The following MAPK9 variants were observed in gnomAD, a reference collection of about 807,000 sequenced individuals.
MAPK9 encodes the protein Jun kinase.
Under a neutral mutation model 57.1 loss-of-function variants are expected in MAPK9, and 30 were observed. The observed-to-expected ratio is 0.53, with a 90% CI of 0.39 to 0.71. MAPK9 has a LOEUF of 0.71. Among genes scored for constraint, MAPK9 ranks in the 30% least tolerant of loss-of-function variants. MAPK9 has a pLI of 0.00. For synonymous variants in MAPK9, 155 were observed against 177.0 expected (o/e 0.88, Z 0.99); for missense variants, 362 against 521.0 (o/e 0.69, Z 2.97).
rs191575213 is a variant in MAPK9 at position 180,236,565 on chromosome 5, C to G, written c.1133-39G>C. On this transcript the variant is annotated intron_variant, in intron 11 of 11. Coordinates refer to ENST00000452135, the MANE Select transcript of MAPK9 (RefSeq NM_002752.5). ...ACCAAATATAATAAAATCTGAGGCA[C>G]GACATTGCTGCAAATCCAGGCAGCG... is the stretch of plus-strand genomic sequence containing the variant. 15 of 1,596,110 alleles carry G rather than the reference C, an allele frequency of 9.4e-6. No individual in the cohort carries two copies. In the African/African-American group the frequency reaches 1.7e-4, roughly 19 times the overall value.
chr5:180,275,794 C>A (rs2127615427), intron 2 of MAPK9, among the ~76,000 whole-genome samples: 1 of 152,334 alleles, frequency 6.6e-6, no homozygotes, highest in East Asian at 1.9e-4. Flanking sequence ...TGCCCACAGC[C>A]TCTGTAGTTT....
intron 5 of MAPK9, among the ~76,000 whole-genome samples, chr5:180,260,941 G>A (rs1436413087): frequency 8.2e-6 from 1 of 121,758 alleles, no homozygotes; most frequent in Non-Finnish European, 1.8e-5. Context: ...GTATCAAATT[G>A]TGAAAAAAAA....
At chr5:180,279,599 C>T (rs1438717286) in intron 2 of MAPK9, among the ~76,000 whole-genome samples, 1 of 152,106 alleles carries the variant, frequency 6.6e-6, no homozygotes, top group African/African-American at 2.4e-5. Flanking sequence ...TCCCTCAACC[C>T]CCTCTGCCTA....
At chr5:180,276,442 T>C (rs796687082) in intron 2 of MAPK9, among the ~76,000 whole-genome samples, 2 of 152,328 alleles carry the variant, frequency 1.3e-5, no homozygotes, top group African/African-American at 4.8e-5. Context: ...AAAGAAAAAC[T>C]GAATATATGT....
Position 180,234,877 on chromosome 5 carries a change from T to TA in MAPK9, c.*1506dup, listed in dbSNP as rs1185661908. On this transcript the variant is annotated 3_prime_UTR_variant, in exon 12 of 12. Transcript: ENST00000452135. ...CATATATTTTACATAATATTTATAA[T>TA]AAACTTTCTTATCACAGTTCCTCCT... 6.6e-6 allele frequency: 1 copy of TA among 152,212 alleles called. No homozygotes were observed. Among genetic ancestry groups the TA allele is most frequent in the Non-Finnish European group, 1.5e-5 (1 of 68,044 alleles). 9.4% of individuals were successfully genotyped at this position (152,212 alleles called of 1,614,324 possible). A position where few individuals can be genotyped will look rare whatever the true frequency, so the allele number is the denominator to read the frequency against.
chr5:180,243,049 C>T lies in MAPK9; in HGVS notation c.689-294G>A, dbSNP rs368069680. 21 of 303,898 alleles carry T rather than the reference C, an allele frequency of 6.9e-5. No individual in the cohort carries two copies. The highest frequency in any genetic ancestry group is 9.6e-5 in the Non-Finnish European group (16 of 166,264). The allele number at this position is 303,898 out of a possible 1,614,324, so 18.8% of individuals were successfully genotyped here. On this transcript the variant is annotated intron_variant, in intron 7 of 11. Transcript: ENST00000452135. ...AAGTTTATCTTATAACTAAGAATAC[C>T]TATAGCAAAAATGATTAAACACGAA... is the stretch of plus-strand genomic sequence containing the variant.
At chr5:180,288,627 G>T (rs1030585845) in intron 1 of MAPK9, among the ~76,000 whole-genome samples, 1 of 152,172 alleles carries the variant, frequency 6.6e-6, no homozygotes, top group African/African-American at 2.4e-5. Flanking sequence ...ATAAGCAGCA[G>T]ACCCACTGGG....
intron 2 of MAPK9, among the ~76,000 whole-genome samples, chr5:180,275,156 C>T (rs2127614657): frequency 6.6e-6 from 1 of 152,186 alleles, no homozygotes; most frequent in Non-Finnish European, 1.5e-5. Context: ...GGATTTTATT[C>T]ATGTTGTCAT....
rs1350325504 is a variant in MAPK9, at chr5:180,233,595, TTA to T, written c.*2787_*2788del. ...CACAAAAATTGGACATGCTATACAT[TTA>T]TCTTTTAAAATGTAGTCTGTATTAT... On this transcript the variant is annotated 3_prime_UTR_variant, in exon 12 of 12. Coordinates refer to ENST00000452135, the MANE Select transcript of MAPK9 (RefSeq NM_002752.5). The T allele has an allele frequency of 6.6e-6, 1 of 152,180 alleles. No homozygotes were observed. Among genetic ancestry groups the T allele is most frequent in the Non-Finnish European group, 1.5e-5 (1 of 68,032 alleles). The allele number at this position is 152,180 out of a possible 1,614,324, so 9.4% of individuals were successfully genotyped here.
intron 1 of MAPK9, among the ~76,000 whole-genome samples, chr5:180,291,097 G>T (rs1763186800): frequency 6.6e-6 from 1 of 152,180 alleles, no homozygotes; most frequent in Admixed American, 6.5e-5. Context: ...CCAAGATCAC[G>T]GAGACAACTC....
In MAPK9 at chr5:180,239,887, T is replaced by C. The variant is rs1757508479; in HGVS notation, c.1060+37A>G. 4.4e-6 allele frequency: 7 copies of C among 1,585,100 alleles called. No homozygotes were observed. The African/African-American group carries it at 5.4e-5, about 12-fold the overall frequency. ...CTCTGCTCTACAGGATTGGAAGAAA[T>C]GTCAAAAGGAAGGATCAAAATAAGC... On this transcript the variant is annotated intron_variant, in intron 10 of 11. Coordinates refer to ENST00000452135, the MANE Select transcript of MAPK9 (RefSeq NM_002752.5).
intron 1 of MAPK9, among the ~76,000 whole-genome samples, chr5:180,291,464 C>T (rs1361577612): frequency 1.3e-5 from 2 of 152,190 alleles, no homozygotes; most frequent in African/African-American, 2.4e-5. Flanking sequence ...GAGACATTTC[C>T]CCACCTTCCC....
chr5:180,291,745 C>T (rs1174522005), intron 1 of MAPK9, 103 bp downstream of exon 1: 1 of 149,574 alleles, frequency 6.7e-6, no homozygotes, highest in Non-Finnish European at 1.5e-5. Context: ...CCGCAGCCCC[C>T]GGCCCGCCCC....
intron 5 of MAPK9, among the ~76,000 whole-genome samples, chr5:180,261,260 C>T (rs535456772): frequency 1.3e-5 from 2 of 152,294 alleles, no homozygotes. Context: ...TCTCAAGCAG[C>T]TGTCTCACTG....
intron 1 of MAPK9, among the ~76,000 whole-genome samples, chr5:180,290,655 G>A (rs1261680146): frequency 1.3e-5 from 2 of 152,240 alleles, no homozygotes; most frequent in South Asian, 2.1e-4. Context: ...AGCAATTAAA[G>A]GGGTCAAGGA....
intron 8 of MAPK9, among the ~76,000 whole-genome samples, chr5:180,241,474 T>C (rs1453442191): frequency 1.3e-5 from 2 of 152,030 alleles, no homozygotes; most frequent in African/African-American, 2.4e-5. Context: ...ATTTTTTGTA[T>C]TTTTTTAGTA....
rs556169756 is a variant in MAPK9 at position 180,291,970 on chromosome 5, C to CCCGCCGCCG, written c.-179_-171dup. The CCCGCCGCCG allele has an allele frequency of 4.4e-4, 69 of 156,028 alleles. 2 individuals are homozygous for CCCGCCGCCG. Among genetic ancestry groups the CCCGCCGCCG allele is most frequent in the South Asian group, 3.3e-3 (19 of 5,760 alleles). The allele number at this position is 156,028 out of a possible 1,614,324, so 9.7% of individuals were successfully genotyped here. A position where few individuals can be genotyped will look rare whatever the true frequency, so the allele number is the denominator to read the frequency against. ...GCCGGCCCGCCCCGCTCCGCTCCGCCCCGCCGCCGCCGCCGCCGCCGCCGC... is the reference window on the plus strand; with the variant it reads ...GCCGGCCCGCCCCGCTCCGCTCCGCCCCGCCGCCGCCGCCGCCGCCGCCGCCGCCGCCGC... On this transcript the variant is annotated 5_prime_UTR_variant, in exon 1 of 12. Transcript: ENST00000452135.
At chr5:180,276,666 C>A (rs1488413379) in intron 2 of MAPK9, among the ~76,000 whole-genome samples, 1 of 152,098 alleles carries the variant, frequency 6.6e-6, no homozygotes, top group Non-Finnish European at 1.5e-5. Flanking sequence ...CCATCCTGGC[C>A]AACATGGTGA....
chr5:180,270,168 G>GCTA (rs1451187860), intron 2 of MAPK9, among the ~76,000 whole-genome samples: 1 of 151,992 alleles, frequency 6.6e-6, no homozygotes, highest in African/African-American at 2.4e-5. Flanking sequence ...TCACCTCTGG[G>GCTA]CTACTCATGA....
Sources: gnomAD v4.1 joint callset for allele counts (sites outside exome capture counted in the v4.1 genomes callset) on GRCh38, gnomAD v4.1.1 for gene constraint, MANE v1.5 for transcripts, NCBI Gene and HGNC (gene_info 2026-07-23, HGNC 2026-07-21) for gene names.